The following PARD3 variants were observed in gnomAD, a reference collection of about 807,000 sequenced individuals.
PARD3 encodes the protein partitioning defective 3 homolog.
A neutral mutation model predicts 155.4 loss-of-function variants in PARD3; 75 were observed. The ratio of observed to expected loss-of-function variants is 0.48; its 90% CI spans 0.40 to 0.58. The LOEUF is 0.58. Among genes scored for constraint, PARD3 ranks in the 20% least tolerant of loss-of-function variants. The probability of loss-of-function intolerance (pLI) is 0.00; values close to 1 mark genes in which losing one functional copy is unlikely to be tolerated. For synonymous variants in PARD3, 576 were observed against 610.5 expected (o/e 0.94, Z 0.83); for missense variants, 1,642 against 1,721.7 (o/e 0.95, Z 0.82).
intron 1 of PARD3, among the ~76,000 whole-genome samples, chr10:34,808,389 A>G (rs188664305): frequency 6.6e-6 from 1 of 152,312 alleles, no homozygotes. Context: ...TTTCTACTTT[A>G]TTCACTGAAC....
Position 34,329,944 on chromosome 10 carries a change from C to A in PARD3, c.2833+1173G>T, listed in dbSNP as rs1361338454. On this transcript the variant is annotated intron_variant, in intron 19 of 24. Coordinates refer to ENST00000374788, the MANE Select transcript of PARD3 (RefSeq NM_001184785.2). The stretch of plus-strand genomic sequence containing the variant: ...TACATTATATGTATATGTATATATT[C>A]TCAAAATGTGATCTTTATTACTTAA... Among the ~76,000 whole-genome samples, 3 of 151,926 alleles carry A rather than the reference C, an allele frequency of 2.0e-5. No individual in the cohort carries two copies. In the East Asian group the frequency reaches 5.8e-4, roughly 29 times the overall value.
chr10:34,413,372 A>C (rs1363210175), intron 5 of PARD3, among the ~76,000 whole-genome samples: 1 of 152,050 alleles, frequency 6.6e-6, no homozygotes, highest in Non-Finnish European at 1.5e-5. Flanking sequence ...TGGGTTCAGA[A>C]GCCTTTCACA....
At chr10:34,234,999 A>G (rs970936367) in intron 22 of PARD3, among the ~76,000 whole-genome samples, 9 of 152,230 alleles carry the variant, frequency 5.9e-5, no homozygotes, top group Non-Finnish European at 1.3e-4. Context: ...TTATTTACCA[A>G]GTTTTGTGCT....
intron 2 of PARD3, among the ~76,000 whole-genome samples, chr10:34,610,213 C>A (rs2090778807): frequency 6.6e-6 from 1 of 152,092 alleles, no homozygotes; most frequent in Non-Finnish European, 1.5e-5. Flanking sequence ...GGATGAGAGT[C>A]ATTAAACTCT....
intron 22 of PARD3, among the ~76,000 whole-genome samples, chr10:34,227,883 T>TATATATATATAC (rs1491222875): frequency 1.5e-4 from 19 of 130,442 alleles, no homozygotes; most frequent in African/African-American, 5.2e-4. Context: ...TATATATATA[T>TATATATATATAC]ACTGGGAATA....
intron 1 of PARD3, among the ~76,000 whole-genome samples, chr10:34,814,220 C>T (rs1158184311): frequency 6.6e-6 from 1 of 152,176 alleles, no homozygotes; most frequent in African/African-American, 2.4e-5. Context: ...CAAGTGCCAG[C>T]GGTGGCCCTC....
intron 22 of PARD3, among the ~76,000 whole-genome samples, chr10:34,174,570 T>C (rs1359734580): frequency 6.6e-6 from 1 of 152,164 alleles, no homozygotes; most frequent in Non-Finnish European, 1.5e-5. Flanking sequence ...GCCACCTGTC[T>C]GGCTGGCATA....
At chr10:34,211,729 G>A (rs1001671065) in intron 22 of PARD3, among the ~76,000 whole-genome samples, 10 of 152,004 alleles carry the variant, frequency 6.6e-5, no homozygotes, top group East Asian at 5.8e-4. Flanking sequence ...GCAGTGAGCC[G>A]AGATCGAGCC....
chr10:34,233,996 C>A (rs936810851), intron 22 of PARD3, among the ~76,000 whole-genome samples: 1 of 152,114 alleles, frequency 6.6e-6, no homozygotes, highest in South Asian at 2.1e-4. Context: ...AACCAAGCCC[C>A]TATACTAAAT....
At chr10:34,492,419 G>A (rs1040885887) in intron 3 of PARD3, among the ~76,000 whole-genome samples, 2 of 152,010 alleles carry the variant, frequency 1.3e-5, no homozygotes, top group Non-Finnish European at 2.9e-5. Flanking sequence ...ATAACAAAAA[G>A]GGCTTACCTT....
At chr10:34,312,354 A>C in intron 20 of PARD3, 1 of 1,612,606 alleles carries the variant, frequency 6.2e-7, no homozygotes, top group South Asian at 1.1e-5. Flanking sequence ...TTTGTTGTTC[A>C]TCTCTTCTCG....
intron 22 of PARD3, among the ~76,000 whole-genome samples, chr10:34,260,075 A>G (rs1464263405): frequency 6.6e-6 from 1 of 152,204 alleles, no homozygotes; most frequent in East Asian, 1.9e-4. Context: ...CCTGGGCTCA[A>G]GCAATCCTCC....
At chr10:34,786,542 TG>T (rs1840982778) in intron 1 of PARD3, among the ~76,000 whole-genome samples, 1 of 152,190 alleles carries the variant, frequency 6.6e-6, no homozygotes, top group Non-Finnish European at 1.5e-5. Context: ...CAGTGCCACC[TG>T]GGAGGACTGA....
At chr10:34,559,037 ATTT>A (rs371540947) in intron 2 of PARD3, among the ~76,000 whole-genome samples, 1 of 150,466 alleles carries the variant, frequency 6.6e-6, no homozygotes, top group African/African-American at 2.5e-5. Flanking sequence ...TTGAAAACTC[ATTT>A]TTCCCCCCCA....
chr10:34,263,150 CA>C (rs746742125), intron 22 of PARD3, among the ~76,000 whole-genome samples: 6 of 152,234 alleles, frequency 3.9e-5, no homozygotes, highest in Non-Finnish European at 7.3e-5. Context: ...ATGCTGAAAG[CA>C]TATGTGTTTT....
At chr10:34,487,938 T>C (rs1330775087) in intron 3 of PARD3, among the ~76,000 whole-genome samples, 1 of 152,190 alleles carries the variant, frequency 6.6e-6, no homozygotes, top group Non-Finnish European at 1.5e-5. Context: ...TCCTTTGACA[T>C]TTGTCTTCTA....
intron 12 of PARD3, among the ~76,000 whole-genome samples, chr10:34,360,649 CT>C (rs1215414472): frequency 1.3e-5 from 2 of 152,048 alleles, no homozygotes; most frequent in African/African-American, 4.8e-5. Flanking sequence ...ATTTATCTCC[CT>C]TTTTATGAGG....
intron 2 of PARD3, among the ~76,000 whole-genome samples, chr10:34,568,030 T>G (rs1327838545): frequency 6.6e-6 from 1 of 152,218 alleles, no homozygotes; most frequent in Non-Finnish European, 1.5e-5. Context: ...TGTCTTCCAT[T>G]CACTAGGCAG....
At chr10:34,458,417 G>A (rs941757483) in intron 4 of PARD3, among the ~76,000 whole-genome samples, 1 of 152,056 alleles carries the variant, frequency 6.6e-6, no homozygotes, top group Non-Finnish European at 1.5e-5. Context: ...TGCTCAGGCT[G>A]GTCTCAAGCT....
Sources: gnomAD v4.1 joint callset for allele counts (sites outside exome capture counted in the v4.1 genomes callset) on GRCh38, gnomAD v4.1.1 for gene constraint, MANE v1.5 for transcripts, NCBI Gene and HGNC (gene_info 2026-07-23, HGNC 2026-07-21) for gene names.